IL1RAP: variants seen among roughly 807,000 people sequenced by gnomAD.
IL1RAP encodes the protein interleukin-1 receptor accessory protein.
IL1RAP carries 35 observed loss-of-function variants against 60.7 expected under a neutral mutation model. The ratio of observed to expected loss-of-function variants is 0.58; its 90% confidence interval spans 0.44 to 0.76. The LOEUF (loss-of-function observed/expected upper bound fraction) is 0.76. Among genes scored for constraint, IL1RAP ranks in the 30% least tolerant of loss-of-function variants. IL1RAP has a pLI of 0.00. For synonymous variants in IL1RAP, 268 were observed against 250.9 expected, an observed-to-expected ratio of 1.07 and a Z score of -0.64; for missense variants, 572 against 693.9, an observed-to-expected ratio of 0.82 and a Z score of 1.97.
intron 9 of IL1RAP, among the ~76,000 whole-genome samples, chr3:190,639,959 A>G (rs1178684275): frequency 1.3e-5 from 2 of 152,170 alleles, no homozygotes; most frequent in African/African-American, 4.8e-5. Flanking sequence ...ATGTGCTCCT[A>G]GAGTTGATCT....
intron 3 of IL1RAP, among the ~76,000 whole-genome samples, chr3:190,575,766 G>A (rs10937439): frequency 0.61 from 92,344 of 152,192 alleles, 28,944 homozygotes; most frequent in East Asian, 1. Flanking sequence ...ATGATCTTGT[G>A]AGCTGCTATG....
At chr3:190,589,071 T>A (rs946490589) in intron 3 of IL1RAP, among the ~76,000 whole-genome samples, 2 of 152,204 alleles carry the variant, frequency 1.3e-5, no homozygotes, top group South Asian at 2.1e-4. Flanking sequence ...TAATGTGTCA[T>A]GGGGCTGGAT....
intron 9 of IL1RAP, among the ~76,000 whole-genome samples, chr3:190,637,863 G>A (rs1028056117): frequency 2.0e-5 from 3 of 151,190 alleles, no homozygotes; most frequent in Admixed American, 6.6e-5. Flanking sequence ...AGAACTCTGT[G>A]TATGTGGACC....
downstream of IL1RAP, among the ~76,000 whole-genome samples, chr3:190,655,032 G>A (rs1014605806): frequency 4.0e-5 from 6 of 151,426 alleles, no homozygotes; most frequent in African/African-American, 7.3e-5. Context: ...ACACACAGAC[G>A]CACACACACA....
intron 6 of IL1RAP, among the ~76,000 whole-genome samples, chr3:190,622,523 C>G (rs2108798739): frequency 6.6e-6 from 1 of 152,322 alleles, no homozygotes; most frequent in African/African-American, 2.4e-5. Flanking sequence ...TTACCCACAA[C>G]TCTGCCTGAG....
At chr3:190,612,812 T>C (rs781152442) in intron 5 of IL1RAP, among the ~76,000 whole-genome samples, 8 of 152,210 alleles carry the variant, frequency 5.3e-5, no homozygotes, top group Non-Finnish European at 1.0e-4. Context: ...GGGGACCGTC[T>C]GCTGTGTTGT....
chr3:190,524,786 G>T (rs149800523), intron 1 of IL1RAP, among the ~76,000 whole-genome samples: 2 of 152,066 alleles, frequency 1.3e-5, no homozygotes, highest in African/African-American at 4.8e-5. Flanking sequence ...TCCCCAAGAA[G>T]TAGAAAGAGA....
intron 3 of IL1RAP, among the ~76,000 whole-genome samples, chr3:190,576,164 A>G (rs562029478): frequency 1.3e-5 from 2 of 152,238 alleles, no homozygotes; most frequent in African/African-American, 2.4e-5. Context: ...AGTAGAAAAA[A>G]TACATGCAAA....
intron 5 of IL1RAP, among the ~76,000 whole-genome samples, chr3:190,618,529 T>G (rs909781734): frequency 2.6e-5 from 4 of 152,198 alleles, no homozygotes; most frequent in African/African-American, 7.2e-5. Context: ...TCTATAAAAT[T>G]ACAGCGTATT....
At position 190,612,393 on chromosome 3, in the gene IL1RAP, A is replaced by G. The variant is rs902809482; in HGVS notation, c.537+3212A>G. On this transcript the variant is annotated intron_variant, in intron 5 of 11. Transcript: ENST00000447382. ...TATTTGATTTTTTAGTTTTGTTCCC[A>G]TACACATCCTGCCGTTTTCTCATCT... Among the ~76,000 whole-genome samples, 9 of 152,142 alleles carry G rather than the reference A, an allele frequency of 5.9e-5. No individual in the cohort carries two copies. In the South Asian group the frequency reaches 1.7e-3, roughly 28 times the overall value.
chr3:190,619,300 G>C (rs1444095176), intron 5 of IL1RAP, among the ~76,000 whole-genome samples: 1 of 152,182 alleles, frequency 6.6e-6, no homozygotes, highest in African/African-American at 2.4e-5. Flanking sequence ...TGTGGACTGA[G>C]ATAGTTCAAT....
exon 12 of IL1RAP, chr3:190,658,889 G>A (rs1405359796): frequency 1.3e-5 from 2 of 152,120 alleles, no homozygotes; most frequent in Non-Finnish European, 2.9e-5. Flanking sequence ...AAAACGACAG[G>A]CCACCCTAAC....
downstream of IL1RAP, among the ~76,000 whole-genome samples, chr3:190,652,881 A>G (rs1361270185): frequency 6.6e-6 from 1 of 152,164 alleles, no homozygotes; most frequent in Non-Finnish European, 1.5e-5. Flanking sequence ...CATTTTGCAT[A>G]TGATCTACCT....
chr3:190,633,985 A>G (rs1187757402), intron 9 of IL1RAP, among the ~76,000 whole-genome samples: 5 of 152,186 alleles, frequency 3.3e-5, no homozygotes, highest in Admixed American at 2.6e-4. Context: ...TTTTATATAC[A>G]GGATTTTTTT....
chr3:190,556,029 C>T (rs4686554), intron 1 of IL1RAP, 101 bp from the exon 2 acceptor site: 102,335 of 151,670 alleles, frequency 0.67, 35,044 homozygotes, highest in South Asian at 0.79. Context: ...GTCTTAAATA[C>T]GCTTTAACCA....
At chr3:190,634,286 A>ATT (rs1178679157) in intron 9 of IL1RAP, among the ~76,000 whole-genome samples, 42 of 135,130 alleles carry the variant, frequency 3.1e-4, no homozygotes, top group African/African-American at 7.7e-4. Context: ...CATGTTAAGA[A>ATT]TTTTTTTTTT....
intron 1 of IL1RAP, among the ~76,000 whole-genome samples, chr3:190,534,913 T>TAAA (rs77663032): frequency 0.044 from 5,573 of 126,856 alleles, 303 homozygotes; most frequent in African/African-American, 0.14. Flanking sequence ...GTAAGAGAAT[T>TAAA]AAAAAAAAAA....
intron 1 of IL1RAP, among the ~76,000 whole-genome samples, chr3:190,555,660 ATG>A (rs968140412): frequency 2.6e-5 from 4 of 152,106 alleles, no homozygotes; most frequent in Non-Finnish European, 5.9e-5. Flanking sequence ...GGTTTGTCTA[ATG>A]TTTTTTCATT....
chr3:190,648,733 C>A lies in IL1RAP; in HGVS notation c.*28C>A. ...GGAATAATGAAAAGGGTAAAAAGAA[C>A]AAGGGGTGCTCCAGGAAGAAAGAGT... On this transcript the variant is annotated 3_prime_UTR_variant, in exon 12 of 12. Coordinates refer to ENST00000447382, the MANE Select transcript of IL1RAP (RefSeq NM_002182.4). 6.4e-7 allele frequency: 1 copy of A among 1,574,708 alleles called. No individual in the cohort carries two copies. Among genetic ancestry groups the A allele is most frequent in the Non-Finnish European group, 8.6e-7 (1 of 1,162,982 alleles).
Sources: allele counts gnomAD v4.1 joint callset (sites outside exome capture counted in the v4.1 genomes callset), GRCh38; gene constraint gnomAD v4.1.1; transcripts MANE v1.5; gene names NCBI Gene and HGNC (gene_info 2026-07-23, HGNC 2026-07-21).